DIPK1A: variants seen among roughly 807,000 people sequenced by gnomAD.
DIPK1A encodes divergent protein kinase domain 1A, also known as family with sequence similarity 69 member A.
DIPK1A carries 27 observed loss-of-function variants against 40.8 expected under a neutral mutation model. The ratio of observed to expected loss-of-function variants is 0.66; its 90% CI spans 0.49 to 0.91. DIPK1A has a LOEUF of 0.91. Ranked by LOEUF, DIPK1A falls within the 40% of genes least tolerant of loss-of-function variation. DIPK1A has a pLI of 0.00. For synonymous variants in DIPK1A, 166 were observed against 171.3 expected (o/e 0.97, Z 0.24); for missense variants, 412 against 505.7 (o/e 0.81, Z 1.78).
At chr1:92,899,953 C>A (rs1557476557) in intron 1 of DIPK1A, among the ~76,000 whole-genome samples, 2 of 151,916 alleles carry the variant, frequency 1.3e-5, no homozygotes, top group Non-Finnish European at 2.9e-5. Context: ...ACATCCCATT[C>A]TCTCCTGGCC....
chr1:92,848,278 C>T (rs1190750047), intron 3 of DIPK1A, among the ~76,000 whole-genome samples: 1 of 152,112 alleles, frequency 6.6e-6, no homozygotes, highest in East Asian at 1.9e-4. Context: ...TGCTCCAAAC[C>T]CTCTAATAAA....
At chr1:92,960,900 C>G (rs568219671) in intron 1 of DIPK1A, among the ~76,000 whole-genome samples, 206 of 152,286 alleles carry the variant, frequency 1.4e-3, no homozygotes, top group Admixed American at 2.7e-3. Context: ...CGGAGGAATG[C>G]TACACCACCT....
At chr1:92,957,923 T>G (rs1651916117) in intron 1 of DIPK1A, among the ~76,000 whole-genome samples, 1 of 152,206 alleles carries the variant, frequency 6.6e-6, no homozygotes, top group African/African-American at 2.4e-5. Flanking sequence ...TAATCTATCT[T>G]TTTGTCTTTA....
intron 1 of DIPK1A, among the ~76,000 whole-genome samples, chr1:92,949,048 C>A (rs1044925927): frequency 6.6e-6 from 1 of 150,450 alleles, no homozygotes; most frequent in Non-Finnish European, 1.5e-5. Context: ...TCAGGTGATC[C>A]ACCCACTTCA....
intron 1 of DIPK1A, among the ~76,000 whole-genome samples, chr1:92,886,522 T>C (rs1417016122): frequency 6.6e-6 from 1 of 151,992 alleles, no homozygotes; most frequent in Non-Finnish European, 1.5e-5. Flanking sequence ...TATCAATTTT[T>C]TTTTTGGTAT....
At chr1:92,870,075 TAC>T (rs3221733) in intron 2 of DIPK1A, among the ~76,000 whole-genome samples, 2,905 of 66,374 alleles carry the variant, frequency 0.044, 119 homozygotes, top group African/African-American at 0.094. Context: ...GAATTATATA[TAC>T]ACACACACAC....
intron 1 of DIPK1A, among the ~76,000 whole-genome samples, chr1:92,926,873 C>T (rs537113362): frequency 2.6e-4 from 40 of 152,228 alleles, no homozygotes; most frequent in Admixed American, 2.2e-3. Context: ...TACTTTGAAG[C>T]TTTGTATCTT....
chr1:92,833,956 A>G (rs1311658500), intron 4 of DIPK1A: 1 of 381,118 alleles, frequency 2.6e-6, no homozygotes. Context: ...AAATGTAAGA[A>G]AATTAGCTGG....
At chr1:92,872,394 T>C (rs867426054) in intron 2 of DIPK1A, among the ~76,000 whole-genome samples, 3 of 152,168 alleles carry the variant, frequency 2.0e-5, no homozygotes, top group Non-Finnish European at 4.4e-5. Context: ...GATTCTTTTT[T>C]ATATATTACA....
intron 1 of DIPK1A, among the ~76,000 whole-genome samples, chr1:92,894,063 A>C (rs1243519775): frequency 6.6e-6 from 1 of 152,102 alleles, no homozygotes; most frequent in African/African-American, 2.4e-5. Context: ...GGGAGACTTT[A>C]ACACCCCACT....
chr1:92,861,843 G>A (rs917897804), intron 2 of DIPK1A, among the ~76,000 whole-genome samples: 3 of 151,584 alleles, frequency 2.0e-5, no homozygotes, highest in African/African-American at 7.3e-5. Context: ...GTGCAGTGGC[G>A]TTATGCCTCA....
At chr1:92,934,113 T>C (rs1650863612) in intron 1 of DIPK1A, 1 of 152,190 alleles carries the variant, frequency 6.6e-6, no homozygotes, top group Non-Finnish European at 1.5e-5. Flanking sequence ...TATGAAAGAC[T>C]GAAAAACTTT....
chr1:92,927,720 G>A (rs1484338569), intron 1 of DIPK1A, among the ~76,000 whole-genome samples: 6 of 152,062 alleles, frequency 3.9e-5, no homozygotes, highest in Non-Finnish European at 8.8e-5. Context: ...ACAATATGTG[G>A]TCTTCTGTGA....
intron 1 of DIPK1A, among the ~76,000 whole-genome samples, chr1:92,902,628 T>C (rs1194416322): frequency 1.3e-5 from 2 of 152,134 alleles, no homozygotes; most frequent in African/African-American, 2.4e-5. Context: ...GTGAGGACTA[T>C]AGTTGGCCAA....
chr1:92,942,519 T>C (rs1651193805), intron 1 of DIPK1A, among the ~76,000 whole-genome samples: 1 of 152,206 alleles, frequency 6.6e-6, no homozygotes, highest in Non-Finnish European at 1.5e-5. Flanking sequence ...AGCAGTTTTT[T>C]TTTCTTTTTC....
chr1:92,844,912 T>G (rs1012811506), intron 4 of DIPK1A, among the ~76,000 whole-genome samples: 1 of 151,584 alleles, frequency 6.6e-6, no homozygotes, highest in African/African-American at 2.4e-5. Context: ...CTTTGTTTTA[T>G]TTCTATTTAA....
chr1:92,879,188 A>T (rs1648266941), intron 1 of DIPK1A, among the ~76,000 whole-genome samples: 1 of 152,146 alleles, frequency 6.6e-6, no homozygotes, highest in Admixed American at 6.6e-5. Context: ...GCAAAAAAAG[A>T]GAGAAATATA....
chr1:92,841,574 CAG>C (rs1161928102), downstream of DIPK1A, among the ~76,000 whole-genome samples: 1 of 152,100 alleles, frequency 6.6e-6, no homozygotes, highest in African/African-American at 2.4e-5. Flanking sequence ...TAGGACATCA[CAG>C]AAGTTGGGGT....
chr1:92,870,032 A>T (rs1016030535), intron 2 of DIPK1A, among the ~76,000 whole-genome samples: 1 of 151,804 alleles, frequency 6.6e-6, no homozygotes, highest in Non-Finnish European at 1.5e-5. Context: ...TAGACTTTAA[A>T]AAAAGGTATA....
Sources: gnomAD v4.1 joint callset for allele counts (sites outside exome capture counted in the v4.1 genomes callset) on GRCh38, gnomAD v4.1.1 for gene constraint, MANE v1.5 for transcripts, NCBI Gene and HGNC (gene_info 2026-07-23, HGNC 2026-07-21) for gene names.